FZD3: variants seen among roughly 807,000 people sequenced by gnomAD.
FZD3 encodes frizzled-3.
Under a neutral mutation model 60.7 loss-of-function variants are expected in FZD3, and 30 were observed. The observed-to-expected ratio is 0.49, with a 90% confidence interval of 0.37 to 0.67. The LOEUF is 0.67. Among genes scored for constraint, FZD3 ranks in the 30% least tolerant of loss-of-function variants. The pLI, the probability that FZD3 is intolerant of heterozygous loss-of-function variation, is 0.00. For synonymous variants in FZD3, 246 were observed against 275.2 expected, an observed-to-expected ratio of 0.89 and a Z score of 1.05; for missense variants, 605 against 838.7, an observed-to-expected ratio of 0.72 and a Z score of 3.44.
In FZD3 at chr8:28,527,442, GT is replaced by G; in HGVS notation, c.683del (p.Val228AlafsTer19). The G allele has an allele frequency of 1.2e-6, 2 of 1,613,444 alleles. No homozygotes were observed. Among genetic ancestry groups the G allele is most frequent in the Non-Finnish European group, 1.7e-6 (2 of 1,179,508 alleles). On this transcript the variant is annotated frameshift_variant, in exon 5 of 8. Coordinates refer to ENST00000240093, the MANE Select transcript of FZD3 (RefSeq NM_017412.4). LOFTEE classifies it high-confidence loss of function. This position sits in a 1 kb window ranked among gnomAD's most constrained non-coding sequence, Gnocchi z 5.0. ...TACTTTTTTAACTTTTTTGATTGATGTCACAAGATTCCGTTATCCTGAAAGG... is the reference window on the plus strand; with the variant it reads ...TACTTTTTTAACTTTTTTGATTGATGCACAAGATTCCGTTATCCTGAAAGG... ...LFTFLTFLID[V>X]TRFRYPERPI... is the part of the protein sequence containing the mutation.
intron 4 of FZD3, among the ~76,000 whole-genome samples, chr8:28,523,848 C>T (rs115797932): frequency 0.013 from 1,949 of 152,222 alleles, 47 homozygotes; most frequent in African/African-American, 0.044. Flanking sequence ...TTTAAGAGAT[C>T]GTGAGGACTC....
chr8:28,527,853 C>T lies in FZD3; in HGVS notation c.1093C>T (p.Leu365Phe). Residue 365 changes from leucine to phenylalanine, a missense_variant, in exon 5 of 8, where the codon CTC becomes TTC. Leu to Phe is a conservative substitution (Grantham distance 22). Coordinates refer to ENST00000240093, the MANE Select transcript of FZD3 (RefSeq NM_017412.4). The surrounding 1 kb of genome is among the most constrained non-coding windows in gnomAD (Gnocchi z 5.0). ...DNISGVCFVG[L>F]YDVDALRYFV... ...TATTAGTGGCGTGTGTTTTGTTGGC[C>T]TCTACGATGTTGATGCATTGAGATA... 6.2e-7 allele frequency: 1 copy of T among 1,613,904 alleles called. No homozygotes were observed. The highest frequency in any genetic ancestry group is 2.2e-5 in the East Asian group (1 of 44,892).
At chr8:28,519,589 G>T (rs887387468) in intron 3 of FZD3, among the ~76,000 whole-genome samples, 3 of 151,910 alleles carry the variant, frequency 2.0e-5, no homozygotes, top group African/African-American at 7.3e-5. Flanking sequence ...AATTAACCCT[G>T]TGTGGTGGTG....
chr8:28,560,598 C>G lies in FZD3; in HGVS notation c.1788-2200C>G, dbSNP rs1013435508. Among the ~76,000 whole-genome samples, 9 of 152,060 alleles carry G rather than the reference C, an allele frequency of 5.9e-5. No homozygotes were observed. The East Asian group carries it at 1.2e-3, about 20-fold the overall frequency. The stretch of plus-strand genomic sequence containing the variant: ...GCTTTATATTTCATTTTAGAAAATA[C>G]TCAGCTTATATTTTTATATAGTGAT... On this transcript the variant is annotated intron_variant, in intron 7 of 7. Transcript: ENST00000240093.
chr8:28,500,791 C>T (rs1028099305), intron 2 of FZD3, among the ~76,000 whole-genome samples: 4 of 151,732 alleles, frequency 2.6e-5, no homozygotes, highest in Non-Finnish European at 5.9e-5. Flanking sequence ...TGGAGTTTCG[C>T]TCTTGTTGCC....
chr8:28,553,744 GGCA>G (rs1805454324), intron 6 of FZD3, among the ~76,000 whole-genome samples: 1 of 152,120 alleles, frequency 6.6e-6, no homozygotes, highest in Non-Finnish European at 1.5e-5. Context: ...CCCTTATTCT[GGCA>G]TTCAAGAGCG....
At chr8:28,532,405 G>A (rs1407983391) in intron 5 of FZD3, among the ~76,000 whole-genome samples, 1 of 152,104 alleles carries the variant, frequency 6.6e-6, no homozygotes, top group African/African-American at 2.4e-5. Context: ...GTTATTGATG[G>A]TGTACAGGCA....
At position 28,528,150 on chromosome 8, in the gene FZD3, C is replaced by A; in HGVS notation, c.1390C>A (p.Pro464Thr). ...AGAACGCTGCAGAGAATATCACATTCCATGTCCATATCAGGTAAGGGAAAC... is the reference window on the plus strand; with the variant it reads ...AGAACGCTGCAGAGAATATCACATTACATGTCCATATCAGGTAAGGGAAAC... ...IQERCREYHIPCPYQVTQMSR... is the reference protein window; with the variant it reads ...IQERCREYHITCPYQVTQMSR... Residue 464 changes from proline (P) to threonine (T), a missense_variant, in exon 5 of 8, where the codon CCA becomes ACA. Physicochemically the swap from Pro to Thr is conservative, Grantham distance 38. Coordinates refer to ENST00000240093, the MANE Select transcript of FZD3 (RefSeq NM_017412.4). The A allele has an allele frequency of 6.2e-7, 1 of 1,610,050 alleles. No individual in the cohort carries two copies. Among genetic ancestry groups the A allele is most frequent in the Non-Finnish European group, 8.5e-7 (1 of 1,178,000 alleles).
intron 5 of FZD3, among the ~76,000 whole-genome samples, chr8:28,538,624 A>G (rs572734472): frequency 1.2e-4 from 18 of 152,160 alleles, no homozygotes; most frequent in Non-Finnish European, 2.5e-4. Context: ...GAGACATCAT[A>G]TAGTTCTGGC....
rs200742566 is a variant in FZD3 at position 28,537,297 on chromosome 8, GTTA to G, written c.1404+9139_1404+9141del. Among the ~76,000 whole-genome samples, 1,389 of 152,264 alleles carry G rather than the reference GTTA, an allele frequency of 9.1e-3. 24 individuals are homozygous for G. Among genetic ancestry groups the G allele is most frequent in the African/African-American group, 0.031 (1,302 of 41,544 alleles). On this transcript the variant is annotated intron_variant, in intron 5 of 7. Transcript: ENST00000240093. ...TGGATAAATATGATAAAATATACAA[GTTA>G]TTATTCTGGCCTCTGTTAAACAGAA... is the stretch of plus-strand genomic sequence containing the variant.
In FZD3 at chr8:28,570,123, CTTG is replaced by C. The variant is rs938207807; in HGVS notation, c.*7115_*7117del. 1 of 152,150 alleles carries C rather than the reference CTTG, an allele frequency of 6.6e-6. No individual in the cohort carries two copies. The highest frequency in any genetic ancestry group is 1.5e-5 in the Non-Finnish European group (1 of 68,018). 9.4% of individuals were successfully genotyped at this position (152,150 alleles called of 1,614,324 possible). A position where few individuals can be genotyped will look rare whatever the true frequency, so the allele number is the denominator to read the frequency against. ...GAAATATTATTAGAGATCAATGTGG[CTTG>C]TTATTTTTAATTTTTTTCTGGCTAT... On this transcript the variant is annotated 3_prime_UTR_variant, in exon 8 of 8. Coordinates refer to ENST00000240093, the MANE Select transcript of FZD3 (RefSeq NM_017412.4).
At chr8:28,508,808 A>G (rs1380136190) in intron 3 of FZD3, among the ~76,000 whole-genome samples, 1 of 152,086 alleles carries the variant, frequency 6.6e-6, no homozygotes, top group Non-Finnish European at 1.5e-5. Context: ...TACAGATGTG[A>G]ACCACCATGC....
At chr8:28,546,314 G>A (rs1272610977) in intron 5 of FZD3, among the ~76,000 whole-genome samples, 1 of 152,206 alleles carries the variant, frequency 6.6e-6, no homozygotes, top group African/African-American at 2.4e-5. Context: ...TATCACACTG[G>A]TTGCTTGAAA....
At chr8:28,544,736 A>T (rs957915550) in intron 5 of FZD3, among the ~76,000 whole-genome samples, 1 of 152,180 alleles carries the variant, frequency 6.6e-6, no homozygotes, top group South Asian at 2.1e-4. Flanking sequence ...TATAACCACA[A>T]TTTACATTTT....
rs545458117 is a variant in FZD3 at position 28,525,906 on chromosome 8, A to G, written c.387-1241A>G. ...GTAGAATCACAGGAAATGCTGGTAG[A>G]TTTCATAGGTATATGAAAGATAAGG... On this transcript the variant is annotated intron_variant, in intron 4 of 7. Coordinates refer to ENST00000240093, the MANE Select transcript of FZD3 (RefSeq NM_017412.4). Among the ~76,000 whole-genome samples the G allele has an allele frequency of 1.9e-4, 15 of 80,578 alleles. 1 individual carries two copies. The East Asian group carries it at 3.8e-3, about 21-fold the overall frequency. The allele number at this position is 80,578 out of a possible 152,430, so 52.9% of individuals were successfully genotyped here. A position where few individuals can be genotyped will look rare whatever the true frequency, so the allele number is the denominator to read the frequency against.
At chr8:28,518,780 A>G (rs2130342650) in intron 3 of FZD3, among the ~76,000 whole-genome samples, 1 of 152,326 alleles carries the variant, frequency 6.6e-6, no homozygotes, top group African/African-American at 2.4e-5. Flanking sequence ...AGCCTAGGCA[A>G]AGCTTGATTC....
At chr8:28,502,043 A>G (rs1804007573) in intron 2 of FZD3, among the ~76,000 whole-genome samples, 1 of 152,210 alleles carries the variant, frequency 6.6e-6, no homozygotes, top group Non-Finnish European at 1.5e-5. Flanking sequence ...TTTATAAAGT[A>G]CTTTTGCATA....
intron 3 of FZD3, among the ~76,000 whole-genome samples, chr8:28,513,729 T>C (rs1394442658): frequency 6.6e-6 from 1 of 152,198 alleles, no homozygotes; most frequent in Non-Finnish European, 1.5e-5. Flanking sequence ...TTCAAGACCA[T>C]TCCACATTTG....
chr8:28,555,972 G>A lies in FZD3; in HGVS notation c.1787+1G>A, dbSNP rs1422673180. On this transcript the variant is annotated splice_donor_variant, in intron 7 of 7. Transcript: ENST00000240093. LOFTEE classifies it high-confidence loss of function. ...GCCTCCACAGATCACGTGATGGCAGGTGAGTTTTGTTAGTAGTGTAGTTTA... is the reference window on the plus strand; with the variant it reads ...GCCTCCACAGATCACGTGATGGCAGATGAGTTTTGTTAGTAGTGTAGTTTA... 1.3e-6 allele frequency: 2 copies of A among 1,583,716 alleles called. No individual in the cohort carries two copies. Among genetic ancestry groups the A allele is most frequent in the African/African-American group, 1.3e-5 (1 of 74,336 alleles).
Sources: gnomAD v4.1 joint callset for allele counts (sites outside exome capture counted in the v4.1 genomes callset) on GRCh38, gnomAD v4.1.1 for gene constraint, Gnocchi (gnomAD v3.1) non-coding constraint, MANE v1.5 for transcripts, NCBI Gene and HGNC (gene_info 2026-07-23, HGNC 2026-07-21) for gene names.